Variants in PEX5L observed in about 807,000 individuals in gnomAD.
PEX5L encodes PEX5-related protein.
A neutral mutation model predicts 84.0 loss-of-function variants in PEX5L; 30 were observed. The observed-to-expected ratio is 0.36, with a 90% confidence interval of 0.27 to 0.48. The LOEUF (loss-of-function observed/expected upper bound fraction) is 0.48, where lower values mean the gene tolerates loss of function less well. Among genes scored for constraint, PEX5L ranks in the 20% least tolerant of loss-of-function variants. The pLI, the probability that PEX5L is intolerant of heterozygous loss-of-function variation, is 0.99. For missense variants in PEX5L, 533 were observed against 754.6 expected, an observed-to-expected ratio of 0.71 and a Z score of 3.44; for synonymous variants, 270 against 283.1, an observed-to-expected ratio of 0.95 and a Z score of 0.46.
chr3:179,990,160 G>A (rs1197551013), intron 1 of PEX5L, among the ~76,000 whole-genome samples: 1 of 152,136 alleles, frequency 6.6e-6, no homozygotes, highest in Non-Finnish European at 1.5e-5. Context: ...CATATGTAAG[G>A]TGAATGGATC....
At position 180,036,848 on chromosome 3, in the gene PEX5L, G is replaced by A; in HGVS notation, c.-249C>T. 1.8e-6 allele frequency: 1 copy of A among 561,504 alleles called. No individual in the cohort carries two copies. Among genetic ancestry groups the A allele is most frequent in the Non-Finnish European group, 3.2e-6 (1 of 310,926 alleles). 34.8% of individuals were successfully genotyped at this position (561,504 alleles called of 1,614,324 possible). On this transcript the variant is annotated 5_prime_UTR_variant, in exon 1 of 15. Coordinates refer to ENST00000467460, the MANE Select transcript of PEX5L (RefSeq NM_016559.3). ...AGCGCGCAGAGAAGGCGAGGAGCCGGGTCGGCCAGGCTCTCCTGCAGGCGC... is the reference window on the plus strand; with the variant it reads ...AGCGCGCAGAGAAGGCGAGGAGCCGAGTCGGCCAGGCTCTCCTGCAGGCGC...
intron 1 of PEX5L, among the ~76,000 whole-genome samples, chr3:180,022,800 G>A (rs1484095497): frequency 6.6e-6 from 1 of 152,094 alleles, no homozygotes; most frequent in Non-Finnish European, 1.5e-5. Flanking sequence ...ATAAAAGATG[G>A]GTGTTTTGTG....
chr3:179,881,783 T>C (rs1754234688), intron 4 of PEX5L, among the ~76,000 whole-genome samples: 1 of 152,184 alleles, frequency 6.6e-6, no homozygotes, highest in South Asian at 2.1e-4. Flanking sequence ...GAGGATCCTA[T>C]GAAGTAAATT....
At chr3:179,838,372 T>C (rs1735789678) in intron 8 of PEX5L, among the ~76,000 whole-genome samples, 1 of 152,198 alleles carries the variant, frequency 6.6e-6, no homozygotes, top group South Asian at 2.1e-4. Context: ...TGATATGTCC[T>C]CAAAACACAA....
chr3:179,820,137 C>T (rs1727911265), intron 8 of PEX5L, 161 bp from the exon 9 acceptor site: 3 of 905,126 alleles, frequency 3.3e-6, no homozygotes. Flanking sequence ...GGAGGGTACT[C>T]ACTGGTCAGA....
intron 5 of PEX5L, among the ~76,000 whole-genome samples, chr3:179,879,126 C>T (rs1364068263): frequency 1.3e-5 from 2 of 152,240 alleles, no homozygotes; most frequent in African/African-American, 4.8e-5. Context: ...CACACATATA[C>T]ATACACACAC....
At chr3:179,858,413 TTTC>T (rs1744818299) in intron 8 of PEX5L, among the ~76,000 whole-genome samples, 1 of 152,150 alleles carries the variant, frequency 6.6e-6, no homozygotes, top group African/African-American at 2.4e-5. Context: ...TTTTCTTCCC[TTTC>T]TTCTTTTCTC....
At chr3:179,944,890 C>G (rs992490511) in intron 2 of PEX5L, among the ~76,000 whole-genome samples, 3 of 152,154 alleles carry the variant, frequency 2.0e-5, no homozygotes, top group African/African-American at 4.8e-5. Context: ...AGTAAGTGGG[C>G]AGAATCAGGA....
chr3:179,834,437 T>C (rs1219595362), intron 8 of PEX5L, among the ~76,000 whole-genome samples: 1 of 152,214 alleles, frequency 6.6e-6, no homozygotes, highest in African/African-American at 2.4e-5. Flanking sequence ...TAAACATCCA[T>C]CAAGCCCAGA....
intron 2 of PEX5L, among the ~76,000 whole-genome samples, chr3:179,968,359 A>C (rs1783881665): frequency 6.6e-6 from 1 of 152,100 alleles, no homozygotes; most frequent in African/African-American, 2.4e-5. Flanking sequence ...CCACACTTGA[A>C]ATATCAGTAA....
intron 9 of PEX5L, among the ~76,000 whole-genome samples, chr3:179,818,158 A>G (rs982928911): frequency 6.6e-6 from 1 of 152,210 alleles, no homozygotes; most frequent in African/African-American, 2.4e-5. Flanking sequence ...TATTTGTTGC[A>G]TTAGCAAAAT....
intron 4 of PEX5L, among the ~76,000 whole-genome samples, chr3:179,884,076 A>C (rs1754998316): frequency 6.6e-6 from 1 of 152,198 alleles, no homozygotes; most frequent in African/African-American, 2.4e-5. Context: ...TTCTGTGAAA[A>C]AGGTATTCTA....
intron 8 of PEX5L, among the ~76,000 whole-genome samples, chr3:179,847,614 A>G (rs1375059138): frequency 6.6e-6 from 1 of 152,236 alleles, no homozygotes; most frequent in Non-Finnish European, 1.5e-5. Flanking sequence ...TTGATGTTCT[A>G]CATATTAAAC....
rs1721868209 is a variant in PEX5L at position 179,807,612 on chromosome 3, T to G, written c.1676+62A>C. 2.7e-6 allele frequency: 4 copies of G among 1,501,388 alleles called. No homozygotes were observed. In the East Asian group the frequency reaches 9.1e-5, roughly 34 times the overall value. 93.0% of individuals were successfully genotyped at this position (1,501,388 alleles called of 1,614,324 possible). On this transcript the variant is annotated intron_variant, in intron 14 of 14. Coordinates refer to ENST00000467460, the MANE Select transcript of PEX5L (RefSeq NM_016559.3). ...GGCATTTTTACTTGGAAACAACCTTTCAGATTATTCGACCTCAGTCCTGGG... is the reference window on the plus strand; with the variant it reads ...GGCATTTTTACTTGGAAACAACCTTGCAGATTATTCGACCTCAGTCCTGGG...
intron 7 of PEX5L, among the ~76,000 whole-genome samples, chr3:179,862,289 T>C (rs141903262): frequency 6.6e-6 from 1 of 152,342 alleles, no homozygotes; most frequent in East Asian, 1.9e-4. Flanking sequence ...TTTAATCATG[T>C]ATTTTGCTAT....
At chr3:179,830,411 C>T (rs919537087) in intron 8 of PEX5L, among the ~76,000 whole-genome samples, 5 of 150,994 alleles carry the variant, frequency 3.3e-5, no homozygotes, top group African/African-American at 7.3e-5. Flanking sequence ...GCTGCTTTGA[C>T]GCTGAAATCA....
At chr3:179,992,885 TC>T (rs1787512668) in intron 1 of PEX5L, among the ~76,000 whole-genome samples, 1 of 114,718 alleles carries the variant, frequency 8.7e-6, no homozygotes, top group African/African-American at 3.9e-5. Context: ...TATGTATGTG[TC>T]TATGTATGTA....
intron 8 of PEX5L, among the ~76,000 whole-genome samples, chr3:179,851,293 C>T (rs375446202): frequency 7.9e-5 from 12 of 152,190 alleles, no homozygotes; most frequent in East Asian, 5.8e-4. Context: ...GATTAGGTGT[C>T]TGGTGAGGGC....
At chr3:180,024,893 T>G (rs1790806478) in intron 1 of PEX5L, among the ~76,000 whole-genome samples, 1 of 152,150 alleles carries the variant, frequency 6.6e-6, no homozygotes, top group Non-Finnish European at 1.5e-5. Flanking sequence ...GACAACCAGC[T>G]GAAGTGGTGA....
Sources: allele counts gnomAD v4.1 joint callset (sites outside exome capture counted in the v4.1 genomes callset), GRCh38; gene constraint gnomAD v4.1.1; transcripts MANE v1.5; gene names NCBI Gene and HGNC (gene_info 2026-07-23, HGNC 2026-07-21).